Variants in PCDHAC1 observed in about 807,000 individuals in gnomAD.
PCDHAC1 encodes protocadherin alpha-C1.
Under a neutral mutation model 60.0 loss-of-function variants are expected in PCDHAC1, and 42 were observed. The ratio of observed to expected loss-of-function variants is 0.70; its 90% CI spans 0.55 to 0.90. The LOEUF is 0.90. PCDHAC1 is among the 40% of genes least tolerant of loss of function. PCDHAC1 has a pLI of 0.00. For synonymous variants in PCDHAC1, 468 were observed against 499.3 expected (o/e 0.94, Z 0.84); for missense variants, 1,160 against 1,222.3 (o/e 0.95, Z 0.76).
rs140356413 is a variant in PCDHAC1, at chr5:140,945,687, T to C, written c.2433+16362T>C. On this transcript the variant is annotated intron_variant, in intron 1 of 3. Transcript: ENST00000253807. ...CCCAGAAATAAATCCACACAGTTAC[T>C]GTCCACTGATTTGCAACAAAAGTAT... 6.6e-3 allele frequency among the ~76,000 whole-genome samples: 1,005 copies of C among 152,204 alleles called. 10 individuals carry two copies. The highest frequency in any genetic ancestry group is 0.023 in the African/African-American group (952 of 41,538).
intron 1 of PCDHAC1, among the ~76,000 whole-genome samples, chr5:140,949,848 C>T (rs534650997): frequency 2.2e-4 from 34 of 151,738 alleles, no homozygotes; most frequent in African/African-American, 6.0e-4. Flanking sequence ...CTTCTGTTTC[C>T]GCTTATCTGT....
At chr5:140,951,373 C>T (rs1554219872) in intron 1 of PCDHAC1, among the ~76,000 whole-genome samples, 1 of 151,996 alleles carries the variant, frequency 6.6e-6, no homozygotes, top group Non-Finnish European at 1.5e-5. Context: ...AAAGAAACAC[C>T]CAAGACTCGG....
chr5:141,003,520 C>G (rs1171208921), intron 3 of PCDHAC1, among the ~76,000 whole-genome samples: 2 of 152,244 alleles, frequency 1.3e-5, no homozygotes, highest in Middle Eastern at 3.4e-3. Flanking sequence ...ACCATGTTCC[C>G]TAGGCTGGTC....
At chr5:140,966,974 C>T (rs782333304) in intron 1 of PCDHAC1, 4 of 1,602,874 alleles carry the variant, frequency 2.5e-6, no homozygotes, top group Non-Finnish European at 3.4e-6. Flanking sequence ...GCTTGAGCTG[C>T]GGCGCTTGGG....
chr5:140,981,502 A>G (rs2096935392), intron 2 of PCDHAC1, among the ~76,000 whole-genome samples: 2 of 152,218 alleles, frequency 1.3e-5, no homozygotes, highest in Non-Finnish European at 2.9e-5. Flanking sequence ...TGAACCTGGG[A>G]GGCAGAGGTT....
rs1554206991 is a variant in PCDHAC1, at chr5:140,929,323, A to G, written c.2431A>G (p.Met811Val). 4 of 1,540,320 alleles carry G rather than the reference A, an allele frequency of 2.6e-6. No homozygotes were observed. In the Admixed American group the frequency reaches 8.1e-5, roughly 31 times the overall value. Residue 811 changes from methionine (M) to valine (V), a missense_variant and splice_region_variant, in exon 1 of 4, where the codon ATG becomes GTG. Met to Val is a conservative substitution (Grantham distance 21). Transcript: ENST00000253807. ...AGGGGATCACGCTAATGTCAATGCC[A>G]TGGTAAGCAAATTTTATGGAATTTG... ...RKGDHANVNA[M>V]PRQPNPDWRY...
chr5:140,979,020 C>T lies in PCDHAC1; in HGVS notation c.2492+13C>T. The T allele has an allele frequency of 6.2e-7, 1 of 1,613,708 alleles. No individual in the cohort carries two copies. Among genetic ancestry groups the T allele is most frequent in the Non-Finnish European group, 8.5e-7 (1 of 1,179,840 alleles). On this transcript the variant is annotated intron_variant, in intron 2 of 3. Transcript: ENST00000253807. ...CAGGCATGCACAGGTATGTATTTCC[C>T]TCCTCATTCACTCAGAAGTAACCTT...
chr5:140,995,956 G>A (rs1480673532), intron 3 of PCDHAC1, among the ~76,000 whole-genome samples: 1 of 152,214 alleles, frequency 6.6e-6, no homozygotes, highest in African/African-American at 2.4e-5. Flanking sequence ...CACGCAAAAT[G>A]CTTAGAACCA....
chr5:140,966,705 G>A, intron 1 of PCDHAC1: 1 of 1,379,198 alleles, frequency 7.3e-7, no homozygotes, highest in Non-Finnish European at 9.3e-7. Context: ...CGGGCGTGGG[G>A]CACGGCTGGG....
chr5:140,999,922 C>T (rs2097883458), intron 3 of PCDHAC1, among the ~76,000 whole-genome samples: 1 of 152,154 alleles, frequency 6.6e-6, no homozygotes, highest in Non-Finnish European at 1.5e-5. Context: ...AATCTTCTTC[C>T]AGCTCAACTC....
At chr5:140,967,815 A>G in intron 1 of PCDHAC1, 1 of 1,614,180 alleles carries the variant, frequency 6.2e-7, no homozygotes. Context: ...GGTCACTGCA[A>G]GGTGCTGGTG....
intron 1 of PCDHAC1, among the ~76,000 whole-genome samples, chr5:140,960,928 AAGTTT>A (rs2095579865): frequency 6.6e-6 from 1 of 152,184 alleles, no homozygotes; most frequent in South Asian, 2.1e-4. Context: ...AATTGGTACT[AAGTTT>A]AGTGAATTAG....
In PCDHAC1 at chr5:140,928,199, C is replaced by T; in HGVS notation, c.1307C>T (p.Ala436Val). Reference protein sequence around the residue: ...STRRTITVSVADVNDNTPNFP... With the variant: ...STRRTITVSVVDVNDNTPNFP... ...CGAAGGACAATCACTGTGTCAGTTG[C>T]TGATGTGAATGACAATACACCAAAC... Residue 436 changes from alanine (A) to valine (V), a missense_variant, in exon 1 of 4, where the codon GCT becomes GTT. This residue lies in a region of PCDHAC1 where 1,113 missense variants were observed against 1,163.7 expected (regional missense o/e 0.96). Coordinates refer to ENST00000253807, the MANE Select transcript of PCDHAC1 (RefSeq NM_018898.5). 6.2e-7 allele frequency: 1 copy of T among 1,614,226 alleles called. No homozygotes were observed. The highest frequency in any genetic ancestry group is 1.1e-5 in the South Asian group (1 of 91,080).
rs1181136155 is a variant in PCDHAC1, at chr5:140,966,778, G to C, written c.2434-12171G>C. Reference sequence around the variant, plus strand: ...CGCGGCCAGTGGCTATGGAGCAGGCGGGCACCAGACCTGCGGCGACAGAGC... The same window carrying C: ...CGCGGCCAGTGGCTATGGAGCAGGCCGGCACCAGACCTGCGGCGACAGAGC... On this transcript the variant is annotated intron_variant, in intron 1 of 3. Transcript: ENST00000253807. The C allele has an allele frequency of 4.0e-6, 6 of 1,512,380 alleles. No homozygotes were observed. The African/African-American group carries it at 8.3e-5, about 21-fold the overall frequency. The allele number at this position is 1,512,380 out of a possible 1,614,324, so 93.7% of individuals were successfully genotyped here. A position where few individuals can be genotyped will look rare whatever the true frequency, so the allele number is the denominator to read the frequency against.
At chr5:140,973,088 A>G (rs2096571573) in intron 1 of PCDHAC1, among the ~76,000 whole-genome samples, 4 of 152,204 alleles carry the variant, frequency 2.6e-5, no homozygotes, top group African/African-American at 7.2e-5. Flanking sequence ...CTGGCACAAC[A>G]TGTAGAAATT....
Position 140,928,307 on chromosome 5 carries a change from C to T in PCDHAC1, c.1415C>T (p.Pro472Leu). ...CTAGGCCGAGTGTTTGCCCAGGACC[C>T]CGACCTGGGGAAGAATGGCCTTGTC... ...ASLGRVFAQD[P>L]DLGKNGLVSY... The change falls in exon 1 of 4, where the codon CCC becomes CTC. Residue 472 changes from proline to leucine, a missense_variant. This residue lies in a region of PCDHAC1 where 1,113 missense variants were observed against 1,163.7 expected (regional missense o/e 0.96). Coordinates refer to ENST00000253807, the MANE Select transcript of PCDHAC1 (RefSeq NM_018898.5). 1 of 1,614,150 alleles carries T rather than the reference C, an allele frequency of 6.2e-7. No homozygotes were observed. The highest frequency in any genetic ancestry group is 8.5e-7 in the Non-Finnish European group (1 of 1,180,038).
intron 1 of PCDHAC1, among the ~76,000 whole-genome samples, chr5:140,972,225 G>A (rs959858462): frequency 3.3e-5 from 5 of 151,474 alleles, no homozygotes; most frequent in Admixed American, 2.0e-4. Context: ...CTGCAGCCTC[G>A]ACCTTCTGGG....
rs1350835757 is a variant in PCDHAC1, at chr5:141,010,856, A to G, written c.*919A>G. Reference sequence around the variant, plus strand: ...CATAGATTTATTTAAAAAAAGAGAAAGTCTATAGCTATAAATCTTTAAAGA... The same window carrying G: ...CATAGATTTATTTAAAAAAAGAGAAGGTCTATAGCTATAAATCTTTAAAGA... On this transcript the variant is annotated 3_prime_UTR_variant, in exon 4 of 4. Coordinates refer to ENST00000253807, the MANE Select transcript of PCDHAC1 (RefSeq NM_018898.5). The G allele has an allele frequency of 1.3e-5, 2 of 153,800 alleles. No homozygotes were observed. Among genetic ancestry groups the G allele is most frequent in the African/African-American group, 2.4e-5 (1 of 41,464 alleles). The allele number at this position is 153,800 out of a possible 1,614,324, so 9.5% of individuals were successfully genotyped here. A position where few individuals can be genotyped will look rare whatever the true frequency, so the allele number is the denominator to read the frequency against.
intron 1 of PCDHAC1, among the ~76,000 whole-genome samples, chr5:140,975,369 T>G (rs2096664514): frequency 6.6e-6 from 1 of 152,230 alleles, no homozygotes; most frequent in Admixed American, 6.5e-5. Flanking sequence ...CATAGCATAA[T>G]GTAATCATGG....
Sources: allele counts gnomAD v4.1 joint callset (sites outside exome capture counted in the v4.1 genomes callset), GRCh38; gene constraint gnomAD v4.1.1; regional missense constraint gnomAD v4.1.1; transcripts MANE v1.5; gene names NCBI Gene and HGNC (gene_info 2026-07-23, HGNC 2026-07-21).